Variants in PPP4R3B observed in about 807,000 individuals in gnomAD.
PPP4R3B encodes the protein protein phosphatase 4 regulatory subunit 3B.
Under a neutral mutation model 95.4 loss-of-function variants are expected in PPP4R3B, and 52 were observed. That is an observed-to-expected ratio of 0.54 (90% CI 0.44 to 0.69). The LOEUF (loss-of-function observed/expected upper bound fraction) is 0.69, where lower values mean the gene tolerates loss of function less well. PPP4R3B is among the 30% of genes least tolerant of loss of function. PPP4R3B has a pLI of 0.00. For synonymous variants in PPP4R3B, 407 were observed against 343.9 expected (o/e 1.18, Z -2.03); for missense variants, 1,003 against 1,005.9 (o/e 1.00, Z 0.04).
Position 55,598,569 on chromosome 2 carries a change from G to C in PPP4R3B, c.768C>G (p.Asp256Glu). The change falls in exon 4 of 17, where the codon GAC becomes GAG. Residue 256 changes from aspartate to glutamate, a missense_variant. Around this residue, in one of 3 missense-constraint regions of PPP4R3B, gnomAD observed 695 missense variants for 686.2 expected, o/e 1.01. Coordinates refer to ENST00000616407, the MANE Select transcript of PPP4R3B (RefSeq NM_001122964.3). ...GATGTATTTTTTGCCTTAGTTCAGA[G>C]TCTGTTATTGGTATAACTTCCTTGA... ...AKFKEVIPIT[D>E]SELRQKIHQT... The C allele has an allele frequency of 6.2e-7, 1 of 1,614,144 alleles. No homozygotes were observed. The highest frequency in any genetic ancestry group is 8.5e-7 in the Non-Finnish European group (1 of 1,180,038).
chr2:55,612,924 C>T (rs745445878), intron 2 of PPP4R3B, among the ~76,000 whole-genome samples: 58 of 148,944 alleles, frequency 3.9e-4, no homozygotes, highest in Non-Finnish European at 6.2e-4. Context: ...GCAGCATGGA[C>T]GACAGAGCGA....
chr2:55,617,309 T>C lies in PPP4R3B; in HGVS notation c.-24A>G, dbSNP rs782594. 743,139 of 1,557,336 alleles carry C rather than the reference T, an allele frequency of 0.48. 184,930 individuals are homozygous for C. Among genetic ancestry groups the C allele is most frequent in the Non-Finnish European group, 0.51 (588,180 of 1,145,276 alleles). The stretch of plus-strand genomic sequence containing the variant: ...ATGGTGGCTGCTGTCTCCACCGCTC[T>C]AGCCGCCGCCTCCTCGCTTACCTCG... On this transcript the variant is annotated 5_prime_UTR_variant, in exon 1 of 17. Transcript: ENST00000616407.
At chr2:55,561,074 G>A (rs751674073) in intron 15 of PPP4R3B, among the ~76,000 whole-genome samples, 1 of 152,124 alleles carries the variant, frequency 6.6e-6, no homozygotes, top group Admixed American at 6.5e-5. Context: ...GCTGGGCCCA[G>A]GGCCCTGCTG....
chr2:55,612,244 AT>A (rs1305593930), intron 2 of PPP4R3B, among the ~76,000 whole-genome samples: 4 of 152,118 alleles, frequency 2.6e-5, no homozygotes, highest in African/African-American at 7.2e-5. Context: ...TCTGAAAACA[AT>A]TTTTTAAATT....
chr2:55,571,574 T>A (rs564910260), intron 12 of PPP4R3B, among the ~76,000 whole-genome samples: 1 of 152,302 alleles, frequency 6.6e-6, no homozygotes, highest in Admixed American at 6.5e-5. Flanking sequence ...GTATTAAACC[T>A]TACAAGAGAC....
intron 10 of PPP4R3B, among the ~76,000 whole-genome samples, chr2:55,577,927 A>G (rs1381140092): frequency 6.6e-6 from 1 of 152,140 alleles, no homozygotes; most frequent in Non-Finnish European, 1.5e-5. Flanking sequence ...ATGTAACTGG[A>G]GCATTATTTG....
chr2:55,590,709 T>A (rs1690888989), intron 4 of PPP4R3B, among the ~76,000 whole-genome samples: 1 of 152,218 alleles, frequency 6.6e-6, no homozygotes, highest in Non-Finnish European at 1.5e-5. Context: ...CTAAAAAAGT[T>A]TGTAACAATA....
chr2:55,551,045 T>TA (rs199754753), intron 16 of PPP4R3B, among the ~76,000 whole-genome samples: 272 of 150,672 alleles, frequency 1.8e-3, no homozygotes, highest in East Asian at 0.011. Context: ...ACGTTTTATG[T>TA]AAAAAAAAAC....
At chr2:55,591,379 G>C (rs1291454651) in intron 4 of PPP4R3B, 5 of 259,004 alleles carry the variant, frequency 1.9e-5, no homozygotes, top group Non-Finnish European at 3.0e-5. Flanking sequence ...CTGGCCTCAA[G>C]CAATCCTCCC....
chr2:55,591,738 G>C (rs1392854336), intron 4 of PPP4R3B: 2 of 789,338 alleles, frequency 2.5e-6, no homozygotes, highest in African/African-American at 1.9e-5. Context: ...AATTATTACA[G>C]TCCATTAAGA....
chr2:55,591,786 C>G (rs1691063986), intron 4 of PPP4R3B: 1 of 395,410 alleles, frequency 2.5e-6, no homozygotes, highest in Non-Finnish European at 3.4e-6. Context: ...TGATTTCCAG[C>G]ATTACTCTGG....
intron 1 of PPP4R3B, chr2:55,616,434 G>A (rs1212863428): frequency 6.6e-6 from 1 of 152,112 alleles, no homozygotes; most frequent in Non-Finnish European, 1.5e-5. Context: ...TACTATAAAA[G>A]GCATTTTAAT....
At chr2:55,609,104 G>C (rs1243867174) in intron 2 of PPP4R3B, among the ~76,000 whole-genome samples, 1 of 152,140 alleles carries the variant, frequency 6.6e-6, no homozygotes, top group African/African-American at 2.4e-5. Context: ...CTTGAGCTCT[G>C]TTCTTTTCTC....
chr2:55,592,026 G>A (rs1691099711), intron 4 of PPP4R3B, among the ~76,000 whole-genome samples: 1 of 151,754 alleles, frequency 6.6e-6, no homozygotes, highest in African/African-American at 2.4e-5. Flanking sequence ...TGCTTTTCTG[G>A]ACAACATAAA....
At chr2:55,561,343 C>T (rs1053607324) in intron 15 of PPP4R3B, among the ~76,000 whole-genome samples, 4 of 152,214 alleles carry the variant, frequency 2.6e-5, no homozygotes, top group Admixed American at 2.6e-4. Flanking sequence ...GGGCAGAGCT[C>T]TTATGAAGAA....
intron 4 of PPP4R3B, among the ~76,000 whole-genome samples, chr2:55,593,319 T>C (rs1338287939): frequency 1.3e-5 from 2 of 152,318 alleles, no homozygotes; most frequent in Non-Finnish European, 1.5e-5. Flanking sequence ...GCACACATAC[T>C]AGGAGCCACT....
rs1690593253 is a variant in PPP4R3B, at chr2:55,589,086, G to T, written c.922-130C>A. On this transcript the variant is annotated intron_variant, in intron 4 of 16. Transcript: ENST00000616407. ...TCATCATGAAACCTAATATTCTGGGGTGTATTTCTGTGTTACAATTTTCTA... is the reference window on the plus strand; with the variant it reads ...TCATCATGAAACCTAATATTCTGGGTTGTATTTCTGTGTTACAATTTTCTA... The T allele has an allele frequency of 1.1e-5, 6 of 566,464 alleles. No homozygotes were observed. The South Asian group carries it at 1.8e-4, about 17-fold the overall frequency. 35.1% of individuals were successfully genotyped at this position (566,464 alleles called of 1,614,324 possible).
rs538248369 is a variant in PPP4R3B at position 55,559,084 on chromosome 2, A to C, written c.2261-116T>G. The C allele has an allele frequency of 6.9e-5, 55 of 799,898 alleles. 1 individual carries two copies. In the African/African-American group the frequency reaches 7.4e-4, roughly 11 times the overall value. 49.6% of individuals were successfully genotyped at this position (799,898 alleles called of 1,614,324 possible). On this transcript the variant is annotated intron_variant, in intron 15 of 16. Coordinates refer to ENST00000616407, the MANE Select transcript of PPP4R3B (RefSeq NM_001122964.3). ...CATTGCTGCCCGGGCATGGTGGCTC[A>C]CGCCTGTAATCCCAACACTTTGGGA...
chr2:55,554,833 G>A (rs1685637639), intron 16 of PPP4R3B, among the ~76,000 whole-genome samples: 1 of 152,156 alleles, frequency 6.6e-6, no homozygotes. Context: ...CAAGGTCATA[G>A]ATATTTATGC....
Sources: allele counts gnomAD v4.1 joint callset (sites outside exome capture counted in the v4.1 genomes callset), GRCh38; gene constraint gnomAD v4.1.1; regional missense constraint gnomAD v4.1.1; transcripts MANE v1.5; gene names NCBI Gene and HGNC (gene_info 2026-07-23, HGNC 2026-07-21).